The following CCDC180 variants were observed in gnomAD, a reference collection of about 807,000 sequenced individuals.
CCDC180 encodes the protein coiled-coil domain containing 180, also known as coiled-coil domain-containing protein 180.
A neutral mutation model predicts 209.2 loss-of-function variants in CCDC180; 154 were observed. The ratio of observed to expected loss-of-function variants is 0.74; its 90% CI spans 0.65 to 0.84. The LOEUF is 0.84. CCDC180 is among the 40% of genes least tolerant of loss of function. The pLI, the probability that CCDC180 is intolerant of heterozygous loss-of-function variation, is 0.00. For synonymous variants in CCDC180, 778 were observed against 749.1 expected (o/e 1.04, Z -0.63); for missense variants, 1,874 against 1,997.3 (o/e 0.94, Z 1.18).
At chr9:97,359,553 G>A (rs1040295209) in intron 25 of CCDC180, among the ~76,000 whole-genome samples, 4 of 152,124 alleles carry the variant, frequency 2.6e-5, no homozygotes, top group African/African-American at 9.7e-5. Flanking sequence ...CATGGAGGTG[G>A]CCAGATCACT....
chr9:97,330,548 CA>C lies in CCDC180; in HGVS notation c.2058del (p.Glu687LysfsTer18). ...SPLHAKMDES[K>X]EGSIQGLEEM... ...CACTGCATGCTAAGATGGATGAGTC[CA>C]AAGAAGGCTCTATTCAGGGACTGGA... On this transcript the variant is annotated frameshift_variant, in exon 18 of 37. Coordinates refer to ENST00000529487, the MANE Select transcript of CCDC180 (RefSeq NM_020893.6). LOFTEE classifies it high-confidence loss of function. 6.2e-7 allele frequency: 1 copy of C among 1,613,978 alleles called. No homozygotes were observed. The highest frequency in any genetic ancestry group is 8.5e-7 in the Non-Finnish European group (1 of 1,180,016).
chr9:97,325,245 C>G, intron 14 of CCDC180, 53 bp downstream of exon 14: 1 of 1,520,730 alleles, frequency 6.6e-7, no homozygotes, highest in Non-Finnish European at 8.9e-7. Flanking sequence ...GCAATGAACT[C>G]AAACAGATCC....
chr9:97,371,056 C>T (rs559363619), intron 33 of CCDC180: 11 of 198,444 alleles, frequency 5.5e-5, no homozygotes, highest in East Asian at 3.8e-4. Context: ...CTCCGCTTCC[C>T]GGGTTCACGC....
intron 5 of CCDC180, 63 bp from the exon 6 acceptor site, chr9:97,314,330 G>A: frequency 1.2e-6 from 2 of 1,600,254 alleles, no homozygotes; most frequent in Non-Finnish European, 1.7e-6. Context: ...CCCATGACAG[G>A]GAAGGCTCCC....
chr9:97,340,354 T>C (rs1587810967), intron 18 of CCDC180, among the ~76,000 whole-genome samples: 1 of 152,266 alleles, frequency 6.6e-6, no homozygotes, highest in Non-Finnish European at 1.5e-5. Context: ...TTGGTGTGGA[T>C]GTCCTTTTTG....
chr9:97,366,996 A>G lies in CCDC180; in HGVS notation c.4189+296A>G, dbSNP rs1044213500. On this transcript the variant is annotated intron_variant, in intron 31 of 36. Transcript: ENST00000529487. This position sits in a 1 kb window ranked among gnomAD's most constrained non-coding sequence, Gnocchi z 4.3. ...AGCTTTGTTGAGATACTTGGGTACC[A>G]TAAAATTTACACATGTAGTGTACTC... 5.3e-5 allele frequency among the ~76,000 whole-genome samples: 8 copies of G among 152,340 alleles called. No individual in the cohort carries two copies. The East Asian group carries it at 1.5e-3, about 29-fold the overall frequency.
intron 12 of CCDC180, among the ~76,000 whole-genome samples, chr9:97,323,537 A>G (rs1833424696): frequency 6.6e-6 from 1 of 151,970 alleles, no homozygotes; most frequent in Non-Finnish European, 1.5e-5. Flanking sequence ...CCAAAGCTTA[A>G]CTGTTGTGAA....
rs148277778 is a variant in CCDC180, at chr9:97,346,483, C to G, written c.2499-831C>G. Reference sequence around the variant, plus strand: ...GAGAAGCAACATTTGCAACTCACATCAAAGTCAATGACCTTCATGTCCCTA... The same window carrying G: ...GAGAAGCAACATTTGCAACTCACATGAAAGTCAATGACCTTCATGTCCCTA... On this transcript the variant is annotated intron_variant, in intron 19 of 36. Coordinates refer to ENST00000529487, the MANE Select transcript of CCDC180 (RefSeq NM_020893.6). Among the ~76,000 whole-genome samples the G allele has an allele frequency of 1.8e-3, 275 of 152,302 alleles. 1 individual carries two copies. The highest frequency in any genetic ancestry group is 5.7e-3 in the African/African-American group (235 of 41,552).
intron 31 of CCDC180, chr9:97,369,211 G>A (rs1012318732): frequency 2.0e-5 from 3 of 152,154 alleles, no homozygotes; most frequent in African/African-American, 7.2e-5. Context: ...AAATATGGGA[G>A]AGAGGTAAAG....
chr9:97,330,805 A>T (rs1293320494), intron 18 of CCDC180, 38 bp downstream of exon 18: 1 of 1,556,918 alleles, frequency 6.4e-7, no homozygotes, highest in East Asian at 2.2e-5. Flanking sequence ...GCATAGAGAA[A>T]GTTTGCTATG....
chr9:97,318,440 G>T, intron 9 of CCDC180, 23 bp from the exon 10 acceptor site: 5 of 1,612,190 alleles, frequency 3.1e-6, no homozygotes, highest in Non-Finnish European at 4.2e-6. Context: ...CCCCTTTATG[G>T]TGCCAACATG....
At chr9:97,347,702 C>G (rs1370988481) in intron 20 of CCDC180, 1 of 520,386 alleles carries the variant, frequency 1.9e-6, no homozygotes, top group African/African-American at 1.9e-5. Flanking sequence ...ATTTTTTTCT[C>G]ATTTCCATTT....
intron 18 of CCDC180, among the ~76,000 whole-genome samples, chr9:97,335,128 C>T (rs1418999611): frequency 2.0e-5 from 3 of 151,816 alleles, no homozygotes; most frequent in Non-Finnish European, 2.9e-5. Context: ...TAGCTTTCTT[C>T]CTTCTTTTGC....
chr9:97,346,049 G>T (rs770543927), intron 19 of CCDC180, among the ~76,000 whole-genome samples: 2 of 151,930 alleles, frequency 1.3e-5, no homozygotes, highest in African/African-American at 2.4e-5. Context: ...TTTTGTTTAC[G>T]GTGTGAAATA....
intron 18 of CCDC180, among the ~76,000 whole-genome samples, chr9:97,337,609 T>C (rs946016909): frequency 2.0e-5 from 3 of 152,194 alleles, no homozygotes; most frequent in African/African-American, 7.2e-5. Flanking sequence ...ATCAGGGATA[T>C]TGGTCTAAAA....
chr9:97,353,222 C>A (rs1465148338), intron 22 of CCDC180, among the ~76,000 whole-genome samples: 1 of 152,138 alleles, frequency 6.6e-6, no homozygotes, highest in Non-Finnish European at 1.5e-5. Context: ...GTCTTGAACT[C>A]CTGACCTCAA....
rs1833486966 is a variant in CCDC180 at position 97,325,064 on chromosome 9, C to T, written c.1417C>T (p.His473Tyr). Reference protein sequence around the residue: ...LADQTEWQSSHLFKYFQEVVQ... With the variant: ...LADQTEWQSSYLFKYFQEVVQ... Reference sequence around the variant, plus strand: ...AGATCAGACAGAGTGGCAGAGTTCACACCTCTTCAAGTATTTCCAGGAGGT... The same window carrying T: ...AGATCAGACAGAGTGGCAGAGTTCATACCTCTTCAAGTATTTCCAGGAGGT... The change falls in exon 14 of 37, where the codon CAC becomes TAC. Residue 473 changes from histidine (H) to tyrosine (Y), a missense_variant. Physicochemically the swap from His to Tyr is moderately conservative, Grantham distance 83 (BLOSUM62 2). Transcript: ENST00000529487. The T allele has an allele frequency of 6.2e-7, 1 of 1,614,036 alleles. No individual in the cohort carries two copies. Among genetic ancestry groups the T allele is most frequent in the Admixed American group, 1.7e-5 (1 of 60,016 alleles).
chr9:97,334,722 T>G (rs1258832651), intron 18 of CCDC180, among the ~76,000 whole-genome samples: 1 of 152,184 alleles, frequency 6.6e-6, no homozygotes, highest in East Asian at 1.9e-4. Flanking sequence ...ATAGTTTACA[T>G]TATTTATAGT....
chr9:97,349,872 C>G (rs765886351), intron 21 of CCDC180, among the ~76,000 whole-genome samples: 4 of 152,096 alleles, frequency 2.6e-5, no homozygotes, highest in Non-Finnish European at 4.4e-5. Context: ...AGGACACTCG[C>G]AGGGCACTCT....
Sources: allele counts gnomAD v4.1 joint callset (sites outside exome capture counted in the v4.1 genomes callset), GRCh38; gene constraint gnomAD v4.1.1; non-coding constraint Gnocchi (gnomAD v3.1); transcripts MANE v1.5; gene names NCBI Gene and HGNC (gene_info 2026-07-23, HGNC 2026-07-21).